Variants in PLGRKT observed in about 807,000 individuals in gnomAD.
PLGRKT encodes plasminogen receptor (KT).
A neutral mutation model predicts 18.5 loss-of-function variants in PLGRKT; 22 were observed. That is an observed-to-expected ratio of 1.19 (90% confidence interval 0.85 to 1.70). The LOEUF (loss-of-function observed/expected upper bound fraction) is 1.70. Ranked by LOEUF, PLGRKT falls within the 40% of genes most tolerant of loss-of-function variation. The pLI, the probability that PLGRKT is intolerant of heterozygous loss-of-function variation, is 0.00. For missense variants in PLGRKT, 235 were observed against 174.4 expected (o/e 1.35, Z -1.96); for synonymous variants, 72 against 52.8 (o/e 1.36, Z -1.58).
chr9:5,436,679 T>G lies in PLGRKT; in HGVS notation c.-117A>C, dbSNP rs569507086. The G allele has an allele frequency of 3.9e-4, 59 of 152,368 alleles. No individual in the cohort carries two copies. Among genetic ancestry groups the G allele is most frequent in the African/African-American group, 1.3e-3 (56 of 41,588 alleles). 9.4% of individuals were successfully genotyped at this position (152,368 alleles called of 1,614,324 possible). Reference sequence around the variant, plus strand: ...AAGCCAAGCAGGAAGAAGAGCTTCCTTATGGGAAACCACACCTGAGAATAA... The same window carrying G: ...AAGCCAAGCAGGAAGAAGAGCTTCCGTATGGGAAACCACACCTGAGAATAA... On this transcript the variant is annotated 5_prime_UTR_variant, in exon 2 of 6. Coordinates refer to ENST00000223864, the MANE Select transcript of PLGRKT (RefSeq NM_018465.4).
chr9:5,433,695 G>C (rs1818886196), intron 2 of PLGRKT, among the ~76,000 whole-genome samples: 1 of 141,768 alleles, frequency 7.1e-6, no homozygotes, highest in African/African-American at 2.7e-5. Flanking sequence ...GCCCCGTCTG[G>C]GAAGTGAGGA....
At chr9:5,405,715 A>G (rs1454369255) in intron 3 of PLGRKT, among the ~76,000 whole-genome samples, 2 of 152,250 alleles carry the variant, frequency 1.3e-5, no homozygotes, top group Non-Finnish European at 2.9e-5. Context: ...TTTTATGATG[A>G]AATTGCCAAA....
intron 2 of PLGRKT, among the ~76,000 whole-genome samples, chr9:5,433,835 G>A (rs536075869): frequency 2.0e-4 from 25 of 124,592 alleles, no homozygotes; most frequent in African/African-American, 6.0e-4. Flanking sequence ...CTGCCTGAGC[G>A]CCCATCATCT....
chr9:5,427,921 T>C (rs1818734625), intron 3 of PLGRKT, among the ~76,000 whole-genome samples: 1 of 152,190 alleles, frequency 6.6e-6, no homozygotes, highest in Admixed American at 6.5e-5. Context: ...GGTTCCTCAC[T>C]GTCCTATGTG....
At chr9:5,367,030 T>TACACAC (rs56259718) in intron 3 of PLGRKT, among the ~76,000 whole-genome samples, 1,528 of 112,330 alleles carry the variant, frequency 0.014, 28 homozygotes, top group African/African-American at 0.042. Context: ...TACACACACA[T>TACACAC]ACACACACAC....
intron 3 of PLGRKT, among the ~76,000 whole-genome samples, chr9:5,423,795 C>A (rs1041110823): frequency 4.0e-5 from 6 of 148,962 alleles, no homozygotes; most frequent in Non-Finnish European, 7.4e-5. Context: ...CTGACCCCCC[C>A]AGGCTCAAGC....
intron 3 of PLGRKT, chr9:5,381,821 A>C (rs977993794): frequency 1.1e-6 from 1 of 937,338 alleles, no homozygotes; most frequent in East Asian, 1.2e-4. Flanking sequence ...GTTTTAAAAA[A>C]TACATAAAGC....
chr9:5,366,478 C>G lies in PLGRKT; in HGVS notation c.82-4590G>C, dbSNP rs547470570. On this transcript the variant is annotated intron_variant, in intron 3 of 5. Coordinates refer to ENST00000223864, the MANE Select transcript of PLGRKT (RefSeq NM_018465.4). ...ATCAAAATGTTCCTGATTATAACTTCACACTCTGAGGATTTTACAGGCTTA... is the reference window on the plus strand; with the variant it reads ...ATCAAAATGTTCCTGATTATAACTTGACACTCTGAGGATTTTACAGGCTTA... Among the ~76,000 whole-genome samples, 5 of 152,276 alleles carry G rather than the reference C, an allele frequency of 3.3e-5. No individual in the cohort carries two copies. In the South Asian group the frequency reaches 1.0e-3, roughly 32 times the overall value.
intron 3 of PLGRKT, among the ~76,000 whole-genome samples, chr9:5,428,645 C>T (rs1818747767): frequency 6.6e-6 from 1 of 152,184 alleles, no homozygotes; most frequent in African/African-American, 2.4e-5. Context: ...GAAACTATTA[C>T]GACCACCCTT....
Position 5,418,424 on chromosome 9 carries a change from C to A in PLGRKT, c.81+13473G>T. The A allele has an allele frequency of 1.1e-6, 1 of 885,398 alleles. No individual in the cohort carries two copies. The allele number at this position is 885,398 out of a possible 1,614,324, so 54.8% of individuals were successfully genotyped here. On this transcript the variant is annotated intron_variant, in intron 3 of 5. Transcript: ENST00000223864. The surrounding 1 kb of genome is among the most constrained non-coding windows in gnomAD (Gnocchi z 4.2). Reference sequence around the variant, plus strand: ...GAAATGCAGGACATGTTATGGAGCACGATGCTGAGGAGGAAGACCAAGACG... The same window carrying A: ...GAAATGCAGGACATGTTATGGAGCAAGATGCTGAGGAGGAAGACCAAGACG...
At chr9:5,359,621 T>G (rs545323048) in intron 5 of PLGRKT, among the ~76,000 whole-genome samples, 19 of 152,338 alleles carry the variant, frequency 1.2e-4, no homozygotes, top group African/African-American at 4.1e-4. Context: ...GAATAGGGAT[T>G]GTATATTTTA....
chr9:5,407,135 T>C (rs1405877026), intron 3 of PLGRKT, among the ~76,000 whole-genome samples: 1 of 152,212 alleles, frequency 6.6e-6, no homozygotes, highest in African/African-American at 2.4e-5. Context: ...AATTTTATTC[T>C]ATAATTTGGC....
chr9:5,359,948 C>T (rs1194945302), intron 5 of PLGRKT, among the ~76,000 whole-genome samples: 1 of 152,082 alleles, frequency 6.6e-6, no homozygotes, highest in East Asian at 1.9e-4. Flanking sequence ...CATAAAATTC[C>T]ACATACTAAA....
At chr9:5,431,365 C>T (rs1243102188) in intron 3 of PLGRKT, among the ~76,000 whole-genome samples, 1 of 151,932 alleles carries the variant, frequency 6.6e-6, no homozygotes, top group Non-Finnish European at 1.5e-5. Context: ...GAAACCTTGT[C>T]TCTATTAAAA....
chr9:5,420,239 G>A (rs1818549159), intron 3 of PLGRKT, among the ~76,000 whole-genome samples: 1 of 152,226 alleles, frequency 6.6e-6, no homozygotes, highest in Admixed American at 6.5e-5. Context: ...AAAGGGCTGA[G>A]GAAGGAGAGG....
At chr9:5,373,458 G>T (rs1474633095) in intron 3 of PLGRKT, among the ~76,000 whole-genome samples, 1 of 152,278 alleles carries the variant, frequency 6.6e-6, no homozygotes, top group African/African-American at 2.4e-5. Flanking sequence ...GTGGGTCTGG[G>T]GCTCTGAACC....
At chr9:5,424,547 T>TAC (rs1229029906) in intron 3 of PLGRKT, among the ~76,000 whole-genome samples, 1 of 133,274 alleles carries the variant, frequency 7.5e-6, no homozygotes, top group Admixed American at 8.2e-5. Flanking sequence ...TATATGTTAA[T>TAC]ATGTTTATAT....
chr9:5,426,512 T>C (rs1474618655), intron 3 of PLGRKT, among the ~76,000 whole-genome samples: 1 of 152,202 alleles, frequency 6.6e-6, no homozygotes, highest in Non-Finnish European at 1.5e-5. Flanking sequence ...TCTCTAGAGT[T>C]AGAACACTGG....
In PLGRKT at chr9:5,418,377, A is replaced by C; in HGVS notation, c.81+13520T>G. 1 of 761,534 alleles carries C rather than the reference A, an allele frequency of 1.3e-6. No homozygotes were observed. Among genetic ancestry groups the C allele is most frequent in the East Asian group, 2.8e-5 (1 of 35,776 alleles). The allele number at this position is 761,534 out of a possible 1,614,324, so 47.2% of individuals were successfully genotyped here. A position where few individuals can be genotyped will look rare whatever the true frequency, so the allele number is the denominator to read the frequency against. ...TTCCCTGCAGCCCTCTCCAGCCACA[A>C]GATGTCACAGTCAAGCGCTTAGAAA... On this transcript the variant is annotated intron_variant, in intron 3 of 5. Coordinates refer to ENST00000223864, the MANE Select transcript of PLGRKT (RefSeq NM_018465.4). The surrounding 1 kb of genome is among the most constrained non-coding windows in gnomAD (Gnocchi z 4.2).
Sources: gnomAD v4.1 joint callset for allele counts (sites outside exome capture counted in the v4.1 genomes callset) on GRCh38, gnomAD v4.1.1 for gene constraint, Gnocchi (gnomAD v3.1) non-coding constraint, MANE v1.5 for transcripts, NCBI Gene and HGNC (gene_info 2026-07-23, HGNC 2026-07-21) for gene names.